CCDC146: variants seen among roughly 807,000 people sequenced by gnomAD.
CCDC146 encodes the protein coiled-coil domain-containing protein 146.
In CCDC146, 92 loss-of-function variants were observed where a neutral mutation model predicts 119.3. That is an observed-to-expected ratio of 0.77 (90% CI 0.65 to 0.92). The LOEUF (loss-of-function observed/expected upper bound fraction) is 0.92, where lower values mean the gene tolerates loss of function less well. Among genes scored for constraint, CCDC146 ranks in the 40% least tolerant of loss-of-function variants. The pLI is 0.00. For synonymous variants in CCDC146, 372 were observed against 371.8 expected (o/e 1.00, Z -0.01); for missense variants, 1,000 against 1,103.0 (o/e 0.91, Z 1.32).
At chr7:77,259,122 C>T (rs1173595263) in intron 7 of CCDC146, 54 bp downstream of exon 7, 3 of 1,036,876 alleles carry the variant, frequency 2.9e-6, no homozygotes, top group Non-Finnish European at 4.4e-6. Flanking sequence ...TATGTGTGCA[C>T]ACTAGAACAA....
At chr7:77,279,180 A>G (rs1383791432) in intron 13 of CCDC146, 79 bp downstream of exon 13, 1 of 1,469,342 alleles carries the variant, frequency 6.8e-7, no homozygotes, top group East Asian at 2.3e-5. Context: ...TGGGGATAAG[A>G]AGATAGGAAA....
intron 2 of CCDC146, among the ~76,000 whole-genome samples, chr7:77,202,902 A>G (rs894684493): frequency 2.6e-5 from 4 of 152,148 alleles, no homozygotes; most frequent in Non-Finnish European, 5.9e-5. Flanking sequence ...TCTTTGCCAC[A>G]TTGCCACGTA....
chr7:77,287,541 G>A lies in CCDC146; in HGVS notation c.2379G>A (p.Gln793=). 1 of 1,613,870 alleles carries A rather than the reference G, an allele frequency of 6.2e-7. No homozygotes were observed. Among genetic ancestry groups the A allele is most frequent in the Non-Finnish European group, 8.5e-7 (1 of 1,179,968 alleles). ...CAGACAGGCTCTGCAGCAAAACTCA[G>A]GGCTGCAAGCAGGACACACTGCTCT... ...RLTDRLCSKT[Q]GCKQDTLLLA... Residue 793 remains glutamine (Q), a synonymous_variant, in exon 17 of 19, where the codon CAG becomes CAA. Coordinates refer to ENST00000285871, the MANE Select transcript of CCDC146 (RefSeq NM_020879.3).
At chr7:77,224,463 T>TG (rs34155101) in intron 2 of CCDC146, among the ~76,000 whole-genome samples, 1,653 of 152,358 alleles carry the variant, frequency 0.011, 26 homozygotes, top group African/African-American at 0.038. Flanking sequence ...TGGGCTCACC[T>TG]GGTTAATCCA....
At chr7:77,286,672 C>T in intron 15 of CCDC146, 126 bp from the exon 16 acceptor site, 1 of 842,444 alleles carries the variant, frequency 1.2e-6, no homozygotes, top group East Asian at 2.5e-5. Context: ...GTTAAGAAAA[C>T]AGAGTTCTCT....
At chr7:77,182,269 T>C (rs188912174) in intron 2 of CCDC146, among the ~76,000 whole-genome samples, 14 of 152,312 alleles carry the variant, frequency 9.2e-5, no homozygotes, top group Non-Finnish European at 2.9e-5. Flanking sequence ...GGGAGAGTGA[T>C]TGAGTAAAAA....
At chr7:77,289,892 G>T (rs901591856) in intron 17 of CCDC146, among the ~76,000 whole-genome samples, 6 of 152,200 alleles carry the variant, frequency 3.9e-5, no homozygotes, top group Admixed American at 1.3e-4. Context: ...CCATTACTGG[G>T]TATATACCCA....
intron 1 of CCDC146, among the ~76,000 whole-genome samples, chr7:77,126,484 G>T (rs1167963230): frequency 1.3e-5 from 2 of 151,924 alleles, no homozygotes; most frequent in Admixed American, 6.5e-5. Flanking sequence ...ACCCACAGTG[G>T]GTAGCTCCTC....
intron 15 of CCDC146, among the ~76,000 whole-genome samples, chr7:77,283,712 C>T (rs1035982074): frequency 6.6e-6 from 1 of 152,136 alleles, no homozygotes; most frequent in African/African-American, 2.4e-5. Context: ...TTCATTAGCT[C>T]ATGCCCTAGA....
Position 77,295,089 on chromosome 7 carries a change from A to G in CCDC146, c.*223A>G. On this transcript the variant is annotated 3_prime_UTR_variant, in exon 19 of 19. Transcript: ENST00000285871. ...AACTGTCCTACATTTATGTCAAAGT[A>G]TATATTTGAATCGCTTATATTTTCT... is the stretch of plus-strand genomic sequence containing the variant. 2.0e-6 allele frequency: 1 copy of G among 488,354 alleles called. No homozygotes were observed. Among genetic ancestry groups the G allele is most frequent in the East Asian group, 3.5e-5 (1 of 28,478 alleles). 30.3% of individuals were successfully genotyped at this position (488,354 alleles called of 1,614,324 possible). A position where few individuals can be genotyped will look rare whatever the true frequency, so the allele number is the denominator to read the frequency against.
Position 77,295,131 on chromosome 7 carries a change from T to G in CCDC146, c.*265T>G. The G allele has an allele frequency of 2.9e-6, 1 of 350,648 alleles. No homozygotes were observed. The highest frequency in any genetic ancestry group is 5.2e-6 in the Non-Finnish European group (1 of 191,396). The allele number at this position is 350,648 out of a possible 1,614,324, so 21.7% of individuals were successfully genotyped here. ...ATATTTTCTTTTTCACTCTTTATAT[T>G]GAGTACATTCCAGAAATTTGTAGTA... On this transcript the variant is annotated 3_prime_UTR_variant, in exon 19 of 19. Transcript: ENST00000285871.
rs67724407 is a variant in CCDC146, at chr7:77,134,541, C to CTGTG, written c.-12+11827_-12+11830dup. Among the ~76,000 whole-genome samples, 248 of 144,218 alleles carry CTGTG rather than the reference C, an allele frequency of 1.7e-3. 1 individual carries two copies. The highest frequency in any genetic ancestry group is 7.0e-3 in the Middle Eastern group (2 of 286). The allele number at this position is 144,218 out of a possible 152,430, so 94.6% of individuals were successfully genotyped here. A position where few individuals can be genotyped will look rare whatever the true frequency, so the allele number is the denominator to read the frequency against. ...AAATAAATTTCTGGCTAAGGCCACT[C>CTGTG]TGTGTGTGTGTGTGTGTGTGTCTGT... On this transcript the variant is annotated intron_variant, in intron 1 of 18. Coordinates refer to ENST00000285871, the MANE Select transcript of CCDC146 (RefSeq NM_020879.3).
At position 77,241,799 on chromosome 7, in the gene CCDC146, C is replaced by T. The variant is rs1425232055; in HGVS notation, c.348C>T (p.Phe116=). ...LQQADNFPEA[F]STEVSKMREQ... ...AAGCTGATAATTTTCCAGAAGCATT[C>T]TCCACGGAGGTCTCCAAAATGAGAG... Residue 116 remains phenylalanine (F), a synonymous_variant, in exon 4 of 19, where the codon TTC becomes TTT. Transcript: ENST00000285871. 1 of 1,613,992 alleles carries T rather than the reference C, an allele frequency of 6.2e-7. No individual in the cohort carries two copies. Among genetic ancestry groups the T allele is most frequent in the South Asian group, 1.1e-5 (1 of 91,080 alleles).
chr7:77,210,952 G>C lies in CCDC146; in HGVS notation c.157-25995G>C, dbSNP rs185998461. Among the ~76,000 whole-genome samples, 5 of 152,228 alleles carry C rather than the reference G, an allele frequency of 3.3e-5. No individual in the cohort carries two copies. In the East Asian group the frequency reaches 5.8e-4, roughly 18 times the overall value. On this transcript the variant is annotated intron_variant, in intron 2 of 18. Coordinates refer to ENST00000285871, the MANE Select transcript of CCDC146 (RefSeq NM_020879.3). ...CCCTAATGCAACCAGCTCCCACCAG[G>C]TCCCTCTCCCAACAGTGGGGATTAC...
rs182688438 is a variant in CCDC146, at chr7:77,151,495, C to A, written c.-11-16163C>A. Among the ~76,000 whole-genome samples the A allele has an allele frequency of 6.6e-5, 10 of 152,118 alleles. No individual in the cohort carries two copies. The East Asian group carries it at 1.7e-3, about 26-fold the overall frequency. ...TAGAAAGTGCCTCAGGTAGAAAGAA[C>A]TTTTTAAGAGTGAGGGAAACGTTTA... On this transcript the variant is annotated intron_variant, in intron 1 of 18. Coordinates refer to ENST00000285871, the MANE Select transcript of CCDC146 (RefSeq NM_020879.3).
intron 2 of CCDC146, among the ~76,000 whole-genome samples, chr7:77,189,569 A>G (rs558064928): frequency 6.6e-6 from 1 of 152,150 alleles, no homozygotes; most frequent in East Asian, 1.9e-4. Flanking sequence ...TTATCTACTC[A>G]GTGTAAAAGG....
chr7:77,153,421 C>T (rs961339350), intron 1 of CCDC146, among the ~76,000 whole-genome samples: 46 of 121,446 alleles, frequency 3.8e-4, no homozygotes, highest in Non-Finnish European at 6.1e-4. Context: ...GACAGTGGGA[C>T]TTTTCTTTTT....
chr7:77,286,720 C>T (rs1466743839), intron 15 of CCDC146, 78 bp from the exon 16 acceptor site: 2 of 1,483,688 alleles, frequency 1.3e-6, no homozygotes, highest in Non-Finnish European at 1.8e-6. Flanking sequence ...AAAAAACTCT[C>T]AAGACCCTAG....
intron 1 of CCDC146, among the ~76,000 whole-genome samples, chr7:77,165,702 A>G (rs1005710249): frequency 6.6e-6 from 1 of 152,226 alleles, no homozygotes; most frequent in African/African-American, 2.4e-5. Context: ...GGAACCTACC[A>G]TGGGAGGCTG....
Sources: allele counts gnomAD v4.1 joint callset (sites outside exome capture counted in the v4.1 genomes callset), GRCh38; gene constraint gnomAD v4.1.1; transcripts MANE v1.5; gene names NCBI Gene and HGNC (gene_info 2026-07-23, HGNC 2026-07-21).